The following ZC3H7B variants were observed in gnomAD, a reference collection of about 807,000 sequenced individuals.
ZC3H7B encodes zinc finger CCCH domain-containing protein 7B.
A neutral mutation model predicts 116.0 loss-of-function variants in ZC3H7B; 35 were observed. The ratio of observed to expected loss-of-function variants is 0.30; its 90% CI spans 0.23 to 0.40. ZC3H7B has a LOEUF of 0.40. ZC3H7B is among the 10% of genes least tolerant of loss of function. ZC3H7B has a pLI of 1.00. For synonymous variants in ZC3H7B, 502 were observed against 545.6 expected, an observed-to-expected ratio of 0.92 and a Z score of 1.11; for missense variants, 1,011 against 1,321.5, an observed-to-expected ratio of 0.77 and a Z score of 3.64.
chr22:41,327,353 G>T lies in ZC3H7B; in HGVS notation c.433G>T (p.Ala145Ser). The T allele has an allele frequency of 6.2e-7, 1 of 1,611,166 alleles. No homozygotes were observed. Among genetic ancestry groups the T allele is most frequent in the Non-Finnish European group, 8.5e-7 (1 of 1,180,014 alleles). Residue 145 changes from alanine to serine, a missense_variant, in exon 5 of 23, where the codon GCC (alanine) becomes TCC (serine). Transcript: ENST00000352645. This position sits in a 1 kb window ranked among gnomAD's most constrained non-coding sequence, Gnocchi z 4.5. Reference sequence around the variant, plus strand: ...CGAGTGCAGCAGCCGGTGTTCCCTCGCCCTGCCCCACGTGAGTGTGGCTCT... The same window carrying T: ...CGAGTGCAGCAGCCGGTGTTCCCTCTCCCTGCCCCACGTGAGTGTGGCTCT... Reference protein sequence around the residue: ...AYECSSRCSLALPHDESVTQL... With the variant: ...AYECSSRCSLSLPHDESVTQL...
Position 41,343,527 on chromosome 22 carries a change from G to A in ZC3H7B, c.1410G>A (p.Arg470=), listed in dbSNP as rs781716331. 1.2e-5 allele frequency: 19 copies of A among 1,613,132 alleles called. No individual in the cohort carries two copies. Among genetic ancestry groups the A allele is most frequent in the Non-Finnish European group, 1.5e-5 (18 of 1,179,610 alleles). ...SSEDQTWKRI[R]PRPTKTSFVG... ...AGGACCAGACCTGGAAGCGGATCCG[G>A]CCCCGGCCCACTAAGACCAGCTTCG... Residue 470 remains arginine, a synonymous_variant, in exon 13 of 23, where the codon CGG becomes CGA. Transcript: ENST00000352645.
At chr22:41,324,427 C>T (rs953224701) in intron 2 of ZC3H7B, among the ~76,000 whole-genome samples, 1 of 152,232 alleles carries the variant, frequency 6.6e-6, no homozygotes, top group Non-Finnish European at 1.5e-5. Flanking sequence ...GGAAAGATCT[C>T]CCCAGCCCTG....
intron 16 of ZC3H7B, among the ~76,000 whole-genome samples, chr22:41,350,828 T>G (rs943135837): frequency 5.9e-5 from 9 of 152,164 alleles, no homozygotes; most frequent in Admixed American, 2.0e-4. Context: ...AGAAACTGGA[T>G]GTCAAGTGCA....
chr22:41,337,097 T>C (rs1004651682), intron 7 of ZC3H7B, among the ~76,000 whole-genome samples: 12 of 149,702 alleles, frequency 8.0e-5, no homozygotes, highest in Non-Finnish European at 1.0e-4. Context: ...GATCGCACCA[T>C]TGCACTCCAG....
intron 2 of ZC3H7B, among the ~76,000 whole-genome samples, chr22:41,322,041 G>A (rs1354942735): frequency 8.7e-4 from 130 of 149,202 alleles, no homozygotes; most frequent in African/African-American, 3.1e-3. Flanking sequence ...GGGTTTCACC[G>A]TTTTAGCTGG....
intron 1 of ZC3H7B, among the ~76,000 whole-genome samples, chr22:41,309,093 G>GCTC (rs1220076400): frequency 1.5e-5 from 2 of 137,562 alleles, no homozygotes; most frequent in Non-Finnish European, 3.0e-5. Context: ...CTCACTGCAA[G>GCTC]CTCCGCCTCC....
At chr22:41,354,801 C>T (rs761049257) in intron 17 of ZC3H7B, among the ~76,000 whole-genome samples, 5 of 152,272 alleles carry the variant, frequency 3.3e-5, no homozygotes, top group East Asian at 1.9e-4. Context: ...AGAGAAGGAA[C>T]GTGGTGGGTG....
rs1440499342 is a variant in ZC3H7B at position 41,327,761 on chromosome 22, A to G, written c.444+397A>G. On this transcript the variant is annotated intron_variant, in intron 5 of 22. Coordinates refer to ENST00000352645, the MANE Select transcript of ZC3H7B (RefSeq NM_017590.6). The surrounding 1 kb of genome is among the most constrained non-coding windows in gnomAD (Gnocchi z 4.5). ...AACATGGCAAAACCCCATCTCTACA[A>G]AAAATACAAAATTTAGCCGGGCATG... Among the ~76,000 whole-genome samples, 6 of 152,130 alleles carry G rather than the reference A, an allele frequency of 3.9e-5. No individual in the cohort carries two copies. The highest frequency in any genetic ancestry group is 1.2e-4 in the African/African-American group (5 of 41,416).
Position 41,357,532 on chromosome 22 carries a change from C to G in ZC3H7B, c.*103C>G. The G allele has an allele frequency of 1.1e-6, 1 of 905,110 alleles. No homozygotes were observed. The highest frequency in any genetic ancestry group is 4.1e-4 in the Middle Eastern group (1 of 2,468). The allele number at this position is 905,110 out of a possible 1,614,324, so 56.1% of individuals were successfully genotyped here. A position where few individuals can be genotyped will look rare whatever the true frequency, so the allele number is the denominator to read the frequency against. On this transcript the variant is annotated 3_prime_UTR_variant, in exon 23 of 23. Transcript: ENST00000352645. The surrounding 1 kb of genome is among the most constrained non-coding windows in gnomAD (Gnocchi z 5.4). The stretch of plus-strand genomic sequence containing the variant: ...GCAGGCCAGGGGGGTGGGGGGCCGC[C>G]CTCATCAGGCAGCCCCCAGCCCCCT...
intron 13 of ZC3H7B, among the ~76,000 whole-genome samples, chr22:41,345,794 G>T (rs1384595256): frequency 6.6e-6 from 1 of 152,018 alleles, no homozygotes; most frequent in Non-Finnish European, 1.5e-5. Context: ...GGGTGCAGAA[G>T]GGGGCCTGGT....
intron 1 of ZC3H7B, among the ~76,000 whole-genome samples, chr22:41,315,988 G>GTTT (rs1314952922): frequency 2.1e-5 from 3 of 142,206 alleles, no homozygotes; most frequent in Non-Finnish European, 4.6e-5. Flanking sequence ...TATCCAAATA[G>GTTT]TTTTTTTTTT....
rs910412458 is a variant in ZC3H7B at position 41,332,073 on chromosome 22, C to T, written c.526-98C>T. ...CTCTCGGGGGCGCTGCAGACCCCAGCTGCTTGTGTCAGGGCCTCTTTGCTG... is the reference window on the plus strand; with the variant it reads ...CTCTCGGGGGCGCTGCAGACCCCAGTTGCTTGTGTCAGGGCCTCTTTGCTG... On this transcript the variant is annotated intron_variant, in intron 6 of 22. Transcript: ENST00000352645. 6.7e-6 allele frequency: 9 copies of T among 1,349,988 alleles called. No homozygotes were observed. The African/African-American group carries it at 1.2e-4, about 17-fold the overall frequency. 83.6% of individuals were successfully genotyped at this position (1,349,988 alleles called of 1,614,324 possible).
In ZC3H7B at chr22:41,342,592, T is replaced by C. The variant is rs1303858228; in HGVS notation, c.1261T>C (p.Phe421Leu). The change falls in exon 12 of 23, where the codon TTC (phenylalanine) becomes CTC (leucine). Residue 421 changes from phenylalanine to leucine, a missense_variant. Phe to Leu is a conservative substitution (Grantham distance 22). Coordinates refer to ENST00000352645, the MANE Select transcript of ZC3H7B (RefSeq NM_017590.6). ...IKNPLAATHE[F>L]KQACQLCYPK... ...GAACCCCTTGGCTGCCACCCACGAG[T>C]TCAAGCAGGCCTGCCAGCTCTGCTA... 6.2e-7 allele frequency: 1 copy of C among 1,612,504 alleles called. No individual in the cohort carries two copies. The highest frequency in any genetic ancestry group is 1.1e-5 in the South Asian group (1 of 91,036).
Position 41,345,992 on chromosome 22 carries a change from C to T in ZC3H7B, c.1460-11C>T, listed in dbSNP as rs1182664375. The T allele has an allele frequency of 1.2e-6, 2 of 1,613,828 alleles. No individual in the cohort carries two copies. The highest frequency in any genetic ancestry group is 1.7e-5 in the Admixed American group (1 of 60,004). On this transcript the variant is annotated splice_polypyrimidine_tract_variant and intron_variant, in intron 13 of 22. Transcript: ENST00000352645. Reference sequence around the variant, plus strand: ...GCCTGGCGGAACGTGTGTCCTGTTGCCTCTTTGCAGACATGATTAACAAGC... The same window carrying T: ...GCCTGGCGGAACGTGTGTCCTGTTGTCTCTTTGCAGACATGATTAACAAGC...
In ZC3H7B at chr22:41,302,230, G is replaced by A. The variant is rs954019642; in HGVS notation, c.-7+458G>A. Among the ~76,000 whole-genome samples, 3 of 151,554 alleles carry A rather than the reference G, an allele frequency of 2.0e-5. No individual in the cohort carries two copies. The highest frequency in any genetic ancestry group is 6.6e-5 in the Admixed American group (1 of 15,244). On this transcript the variant is annotated intron_variant, in intron 1 of 22. Transcript: ENST00000352645. The surrounding 1 kb of genome is among the most constrained non-coding windows in gnomAD (Gnocchi z 5.7). ...GCAGGGCCCCCCTTCCTTTTGTGTT[G>A]TCCTTGGCCCCGCAGCACCCGGAGT...
At chr22:41,328,842 G>A (rs1222560138) in intron 5 of ZC3H7B, among the ~76,000 whole-genome samples, 8 of 151,850 alleles carry the variant, frequency 5.3e-5, no homozygotes, top group South Asian at 4.2e-4. Flanking sequence ...ATTGTTTGGC[G>A]ATAGAAACAA....
At chr22:41,319,568 T>TA (rs71202700) in intron 1 of ZC3H7B, among the ~76,000 whole-genome samples, 5,126 of 65,472 alleles carry the variant, frequency 0.078, 345 homozygotes, top group African/African-American at 0.22. Context: ...AGTCTCCGGC[T>TA]AAAAAAAAAA....
chr22:41,318,797 AC>A (rs931863792), intron 1 of ZC3H7B, among the ~76,000 whole-genome samples: 6 of 151,374 alleles, frequency 4.0e-5, no homozygotes, highest in Non-Finnish European at 8.8e-5. Flanking sequence ...CCTATTCACC[AC>A]CCTCCCCACT....
chr22:41,306,114 G>T lies in ZC3H7B; in HGVS notation c.-7+4342G>T, dbSNP rs556591202. Among the ~76,000 whole-genome samples, 6 of 152,222 alleles carry T rather than the reference G, an allele frequency of 3.9e-5. No individual in the cohort carries two copies. In the East Asian group the frequency reaches 1.2e-3, roughly 29 times the overall value. On this transcript the variant is annotated intron_variant, in intron 1 of 22. Coordinates refer to ENST00000352645, the MANE Select transcript of ZC3H7B (RefSeq NM_017590.6). ...ACCTGGTACAGCCACAGTCTAGTGG[G>T]CAGATACATGACATTGGGTTCAAGT...
Sources: gnomAD v4.1 joint callset for allele counts (sites outside exome capture counted in the v4.1 genomes callset) on GRCh38, gnomAD v4.1.1 for gene constraint, Gnocchi (gnomAD v3.1) non-coding constraint, MANE v1.5 for transcripts, NCBI Gene and HGNC (gene_info 2026-07-23, HGNC 2026-07-21) for gene names.